Variants in FGF12 observed in about 807,000 individuals in gnomAD.
FGF12 encodes the protein fibroblast growth factor 12B.
A neutral mutation model predicts 23.6 loss-of-function variants in FGF12; 14 were observed. The ratio of observed to expected loss-of-function variants is 0.59; its 90% CI spans 0.39 to 0.93. FGF12 has a LOEUF of 0.93. FGF12 is among the 40% of genes least tolerant of loss of function. The pLI, the probability that FGF12 is intolerant of heterozygous loss-of-function variation, is 0.00. For missense variants in FGF12, 175 were observed against 217.8 expected, an observed-to-expected ratio of 0.80 and a Z score of 1.24; for synonymous variants, 62 against 77.3, an observed-to-expected ratio of 0.80 and a Z score of 1.04.
At chr3:192,372,885 A>T (rs1198166792) in intron 2 of FGF12, among the ~76,000 whole-genome samples, 1 of 151,438 alleles carries the variant, frequency 6.6e-6, no homozygotes, top group African/African-American at 2.4e-5. Flanking sequence ...ATCTTAATTG[A>T]CTCTCTCCCT....
rs140477167 is a variant in FGF12 at position 192,543,635 on chromosome 3, ATGTCTT to A, written c.14-183103_14-183098del. Among the ~76,000 whole-genome samples the A allele has an allele frequency of 6.5e-3, 984 of 151,820 alleles. 13 individuals carry two copies. Among genetic ancestry groups the A allele is most frequent in the African/African-American group, 0.022 (900 of 41,404 alleles). Reference sequence around the variant, plus strand: ...GTACTGGGTCTCACCTGAAGCCAGCATGTCTTTGAGTCTCACCCAAGGCCCACAGCG... The same window carrying A: ...GTACTGGGTCTCACCTGAAGCCAGCATGAGTCTCACCCAAGGCCCACAGCG... On this transcript the variant is annotated intron_variant, in intron 2 of 5. Transcript: ENST00000445105.
At chr3:192,183,770 AG>A (rs1238225815) in intron 4 of FGF12, among the ~76,000 whole-genome samples, 1 of 152,242 alleles carries the variant, frequency 6.6e-6, no homozygotes, top group Non-Finnish European at 1.5e-5. Flanking sequence ...AAGGCTGAGC[AG>A]GGGAAGGAAT....
intron 2 of FGF12, among the ~76,000 whole-genome samples, chr3:192,680,158 T>C (rs1292287251): frequency 6.6e-6 from 1 of 151,988 alleles, no homozygotes; most frequent in Non-Finnish European, 1.5e-5. Flanking sequence ...GAGTCAGAAA[T>C]AGATACTGTC....
At chr3:192,145,468 A>T (rs1236854916) in intron 5 of FGF12, among the ~76,000 whole-genome samples, 1 of 152,218 alleles carries the variant, frequency 6.6e-6, no homozygotes, top group Non-Finnish European at 1.5e-5. Context: ...GTACATGGGA[A>T]TCACCTAGGA....
intron 2 of FGF12, among the ~76,000 whole-genome samples, chr3:192,609,471 G>A (rs1033987580): frequency 2.0e-5 from 3 of 152,114 alleles, no homozygotes; most frequent in African/African-American, 7.2e-5. Flanking sequence ...TACGGCTGTT[G>A]CCTAAGTTAG....
intron 4 of FGF12, among the ~76,000 whole-genome samples, chr3:192,261,043 A>C (rs1712716701): frequency 6.6e-6 from 1 of 152,088 alleles, no homozygotes; most frequent in South Asian, 2.1e-4. Flanking sequence ...GGGGTAAAGG[A>C]ACCTCACCAC....
At chr3:192,369,400 G>A (rs1302866024) in intron 2 of FGF12, among the ~76,000 whole-genome samples, 1 of 152,162 alleles carries the variant, frequency 6.6e-6, no homozygotes, top group East Asian at 1.9e-4. Flanking sequence ...AGTCTCCAAA[G>A]CCCTGAGTTG....
At position 192,164,266 on chromosome 3, in the gene FGF12, T is replaced by C. The variant is rs556595109; in HGVS notation, c.427+6192A>G. On this transcript the variant is annotated intron_variant, in intron 5 of 5. Coordinates refer to ENST00000445105, the MANE Select transcript of FGF12 (RefSeq NM_004113.6). ...TGAACAATACTCTGAAAGGGCAGAATTGAGAATCAGGAAGCCTGTGCTATT... is the reference window on the plus strand; with the variant it reads ...TGAACAATACTCTGAAAGGGCAGAACTGAGAATCAGGAAGCCTGTGCTATT... 3.3e-5 allele frequency among the ~76,000 whole-genome samples: 5 copies of C among 152,326 alleles called. No homozygotes were observed. The South Asian group carries it at 1.0e-3, about 32-fold the overall frequency.
chr3:192,344,551 T>G (rs1334087923), intron 3 of FGF12, among the ~76,000 whole-genome samples: 1 of 152,218 alleles, frequency 6.6e-6, no homozygotes, highest in East Asian at 1.9e-4. Flanking sequence ...CTGATTTATT[T>G]TCTCACTGAA....
chr3:192,227,304 G>A (rs1209144322), intron 4 of FGF12, among the ~76,000 whole-genome samples: 4 of 152,116 alleles, frequency 2.6e-5, no homozygotes, highest in African/African-American at 9.7e-5. Flanking sequence ...CACAGTTCTT[G>A]TACTTATGCA....
intron 2 of FGF12, among the ~76,000 whole-genome samples, chr3:192,532,624 T>G (rs1725120977): frequency 6.6e-6 from 1 of 152,152 alleles, no homozygotes; most frequent in Admixed American, 6.5e-5. Context: ...TGCTTGTTCT[T>G]AAAGGCAGAG....
chr3:192,291,429 C>G (rs903074360), intron 4 of FGF12, among the ~76,000 whole-genome samples: 2 of 151,766 alleles, frequency 1.3e-5, no homozygotes, highest in Non-Finnish European at 2.9e-5. Flanking sequence ...AAAAAATAAA[C>G]AAAATTAGCT....
chr3:192,559,844 T>TA (rs2108593300), intron 2 of FGF12, among the ~76,000 whole-genome samples: 1 of 200 alleles, frequency 5.0e-3, no homozygotes, highest in South Asian at 0.25. Flanking sequence ...CGTTAATGAA[T>TA]TAAAAAAATC....
At chr3:192,623,792 G>A (rs537348416) in intron 2 of FGF12, among the ~76,000 whole-genome samples, 65 of 152,200 alleles carry the variant, frequency 4.3e-4, no homozygotes, top group African/African-American at 1.3e-3. Context: ...CCTCTCTCTC[G>A]GCTATTATTC....
chr3:192,306,988 T>G (rs954961463), intron 4 of FGF12, among the ~76,000 whole-genome samples: 1 of 152,224 alleles, frequency 6.6e-6, no homozygotes, highest in African/African-American at 2.4e-5. Context: ...GTGAAAGAAT[T>G]AGATTTGTTT....
chr3:192,530,238 C>G (rs1338105281), intron 2 of FGF12, among the ~76,000 whole-genome samples: 1 of 152,132 alleles, frequency 6.6e-6, no homozygotes, highest in Non-Finnish European at 1.5e-5. Context: ...CTAGGATTAC[C>G]TCTCAACCCT....
intron 2 of FGF12, among the ~76,000 whole-genome samples, chr3:192,453,408 T>C (rs1722584173): frequency 6.6e-6 from 1 of 152,206 alleles, no homozygotes; most frequent in Non-Finnish European, 1.5e-5. Flanking sequence ...ATATATGAAG[T>C]TCTTGGTTCT....
chr3:192,429,507 C>A (rs1234287013), intron 2 of FGF12, among the ~76,000 whole-genome samples: 1 of 152,146 alleles, frequency 6.6e-6, no homozygotes, highest in African/African-American at 2.4e-5. Context: ...ATAGTCATAT[C>A]CTTAAAATAC....
intron 4 of FGF12, among the ~76,000 whole-genome samples, chr3:192,308,506 C>T (rs556887050): frequency 2.1e-4 from 32 of 152,058 alleles, no homozygotes; most frequent in African/African-American, 7.5e-4. Flanking sequence ...GGAGAAACCC[C>T]ATCTCTACTA....
Sources: allele counts gnomAD v4.1 joint callset (sites outside exome capture counted in the v4.1 genomes callset), GRCh38; gene constraint gnomAD v4.1.1; transcripts MANE v1.5; gene names NCBI Gene and HGNC (gene_info 2026-07-23, HGNC 2026-07-21).